SLC39A11: variants seen among roughly 807,000 people sequenced by gnomAD.
SLC39A11 encodes the protein solute carrier family 39 member 11.
In SLC39A11, 33 loss-of-function variants were observed where a neutral mutation model predicts 36.1. The observed-to-expected ratio is 0.91, with a 90% CI of 0.69 to 1.22. The LOEUF is 1.22. Among genes scored for constraint, SLC39A11 ranks in the 50% most tolerant of loss-of-function variants. SLC39A11 has a pLI of 0.00. For synonymous variants in SLC39A11, 166 were observed against 170.3 expected (o/e 0.97, Z 0.20); for missense variants, 432 against 430.3 (o/e 1.00, Z -0.03).
chr17:72,820,608 A>T (rs946081912), intron 6 of SLC39A11, among the ~76,000 whole-genome samples: 3 of 151,180 alleles, frequency 2.0e-5, no homozygotes, highest in African/African-American at 7.3e-5. Context: ...TGTCAGGAAA[A>T]AGTCATTATG....
Position 72,917,553 on chromosome 17 carries a change from G to T in SLC39A11, c.430+30199C>A, listed in dbSNP as rs562573609. ...TACACAGCCAGCAAGCAGCATGCAA[G>T]ACACTGAAATGTCTAGAAATGGAAA... On this transcript the variant is annotated intron_variant, in intron 5 of 9. Coordinates refer to ENST00000255559, the MANE Select transcript of SLC39A11 (RefSeq NM_139177.4). Among the ~76,000 whole-genome samples, 16 of 152,286 alleles carry T rather than the reference G, an allele frequency of 1.1e-4. No homozygotes were observed. The East Asian group carries it at 2.9e-3, about 28-fold the overall frequency.
intron 7 of SLC39A11, among the ~76,000 whole-genome samples, chr17:72,698,808 G>C (rs1006996978): frequency 7.9e-5 from 12 of 152,124 alleles, no homozygotes; most frequent in African/African-American, 2.9e-4. Flanking sequence ...TGAAAGGGTA[G>C]CTCTGGGGTG....
At chr17:72,776,186 CAG>C (rs1453484675) in intron 6 of SLC39A11, among the ~76,000 whole-genome samples, 1 of 152,212 alleles carries the variant, frequency 6.6e-6, no homozygotes, top group Non-Finnish European at 1.5e-5. Flanking sequence ...CCACTCCAGA[CAG>C]ATGTTTAGAT....
intron 5 of SLC39A11, among the ~76,000 whole-genome samples, chr17:72,882,520 C>G (rs568371074): frequency 6.6e-6 from 1 of 152,174 alleles, no homozygotes; most frequent in African/African-American, 2.4e-5. Context: ...ACATTGTTAA[C>G]TTCCTGGCTC....
At chr17:72,971,040 G>A (rs757909553) in intron 4 of SLC39A11, among the ~76,000 whole-genome samples, 31 of 152,134 alleles carry the variant, frequency 2.0e-4, no homozygotes, top group Non-Finnish European at 3.8e-4. Flanking sequence ...ATGTTACATC[G>A]GAGAGGCTGA....
intron 6 of SLC39A11, among the ~76,000 whole-genome samples, chr17:72,784,727 G>A (rs1196755010): frequency 6.6e-6 from 1 of 151,946 alleles, no homozygotes; most frequent in Non-Finnish European, 1.5e-5. Flanking sequence ...CATGTGATAT[G>A]CCTGCTCCCC....
chr17:72,750,711 C>T (rs575135711), intron 6 of SLC39A11, among the ~76,000 whole-genome samples: 1 of 152,092 alleles, frequency 6.6e-6, no homozygotes, highest in East Asian at 1.9e-4. Context: ...GGGCAGGCAT[C>T]ATACCACAAC....
At chr17:72,847,378 G>A (rs1365529587) in intron 6 of SLC39A11, among the ~76,000 whole-genome samples, 1 of 149,812 alleles carries the variant, frequency 6.7e-6, no homozygotes, top group Non-Finnish European at 1.5e-5. Context: ...CTCCAGCCTG[G>A]GCGACAGAGC....
At chr17:73,030,632 T>C (rs894505899) in intron 4 of SLC39A11, among the ~76,000 whole-genome samples, 1 of 152,166 alleles carries the variant, frequency 6.6e-6, no homozygotes, top group Non-Finnish European at 1.5e-5. Flanking sequence ...CTTCCCTTTC[T>C]AGGGGAGCAG....
intron 6 of SLC39A11, among the ~76,000 whole-genome samples, chr17:72,792,689 C>A (rs1407650922): frequency 1.3e-5 from 2 of 152,170 alleles, no homozygotes; most frequent in Admixed American, 1.3e-4. Context: ...CTGCCATGAT[C>A]CCTCCTGGGT....
chr17:73,029,586 C>CT (rs796247633), intron 4 of SLC39A11, among the ~76,000 whole-genome samples: 1,875 of 145,096 alleles, frequency 0.013, 30 homozygotes, highest in African/African-American at 0.035. Context: ...GCCACTCAAT[C>CT]TTTTTTTTTT....
intron 5 of SLC39A11, among the ~76,000 whole-genome samples, chr17:72,923,176 C>T (rs2083800690): frequency 6.6e-6 from 1 of 152,008 alleles, no homozygotes; most frequent in African/African-American, 2.4e-5. Flanking sequence ...TGCTGTAAGA[C>T]TTATACATCC....
chr17:72,664,591 C>T (rs1023475152), intron 7 of SLC39A11, among the ~76,000 whole-genome samples: 6 of 152,194 alleles, frequency 3.9e-5, no homozygotes, highest in African/African-American at 1.4e-4. Context: ...GCTACAGTAA[C>T]AGCCTCCTAA....
intron 6 of SLC39A11, among the ~76,000 whole-genome samples, chr17:72,765,224 G>A (rs542749692): frequency 5.8e-4 from 89 of 152,186 alleles, no homozygotes; most frequent in Non-Finnish European, 1.1e-3. Flanking sequence ...TGTCTTTTCT[G>A]GTTTTGACAT....
At chr17:72,801,380 C>T (rs1017531014) in intron 6 of SLC39A11, among the ~76,000 whole-genome samples, 3 of 152,200 alleles carry the variant, frequency 2.0e-5, no homozygotes, top group African/African-American at 7.2e-5. Flanking sequence ...GCCATGACAC[C>T]TGGCTAACTT....
intron 7 of SLC39A11, among the ~76,000 whole-genome samples, chr17:72,682,523 G>C (rs916474141): frequency 1.3e-5 from 2 of 152,216 alleles, no homozygotes. Context: ...TGTGGGGAGG[G>C]GGCCGGTGCC....
chr17:73,029,780 C>G (rs1435614256), intron 4 of SLC39A11, among the ~76,000 whole-genome samples: 1 of 152,136 alleles, frequency 6.6e-6, no homozygotes, highest in Non-Finnish European at 1.5e-5. Context: ...TGGGGTTTCT[C>G]CACGTTACCC....
chr17:72,902,747 G>A (rs1480789629), intron 5 of SLC39A11, among the ~76,000 whole-genome samples: 2 of 152,156 alleles, frequency 1.3e-5, no homozygotes, highest in Non-Finnish European at 2.9e-5. Flanking sequence ...TAAACCAGGT[G>A]TACAATTAGC....
At chr17:72,855,241 T>A (rs1042206358) in intron 5 of SLC39A11, among the ~76,000 whole-genome samples, 4 of 152,274 alleles carry the variant, frequency 2.6e-5, no homozygotes, top group Non-Finnish European at 5.9e-5. Context: ...CAAGTTAACC[T>A]CCGTTTTCAT....
Sources: allele counts gnomAD v4.1 joint callset (sites outside exome capture counted in the v4.1 genomes callset), GRCh38; gene constraint gnomAD v4.1.1; transcripts MANE v1.5; gene names NCBI Gene and HGNC (gene_info 2026-07-23, HGNC 2026-07-21).